The following GRXCR2 variants were observed in gnomAD, a reference collection of about 807,000 sequenced individuals.
The protein encoded by GRXCR2 is glutaredoxin and cysteine rich domain containing 2, also known as glutaredoxin domain-containing cysteine-rich protein 2.
A neutral mutation model predicts 24.8 loss-of-function variants in GRXCR2; 23 were observed. That is an observed-to-expected ratio of 0.93 (90% CI 0.67 to 1.32). The LOEUF is 1.32. Ranked by LOEUF, GRXCR2 falls within the 40% of genes most tolerant of loss-of-function variation. GRXCR2 has a pLI of 0.00. For missense variants in GRXCR2, 315 were observed against 303.4 expected, an observed-to-expected ratio of 1.04 and a Z score of -0.28; for synonymous variants, 130 against 116.1, an observed-to-expected ratio of 1.12 and a Z score of -0.77.
At chr5:145,885,523 A>G (rs558122763) in intron 2 of GRXCR2, among the ~76,000 whole-genome samples, 22 of 152,232 alleles carry the variant, frequency 1.4e-4, no homozygotes, top group Non-Finnish European at 2.4e-4. Context: ...CTTAGAAAGT[A>G]AGATATTTTC....
At chr5:145,875,306 T>G (rs1283214310), upstream of GRXCR2, among the ~76,000 whole-genome samples, 1 of 152,146 alleles carries the variant, frequency 6.6e-6, no homozygotes, top group African/African-American at 2.4e-5. Context: ...TCCCAGCACT[T>G]TGGAAGGGCC....
At chr5:145,878,632 C>T (rs13171373) in intron 2 of GRXCR2, among the ~76,000 whole-genome samples, 11,848 of 152,122 alleles carry the variant, frequency 0.078, 885 homozygotes, top group African/African-American at 0.19. Flanking sequence ...TGCAGGATAT[C>T]ATCCAGGAGA....
intron 2 of GRXCR2, among the ~76,000 whole-genome samples, chr5:145,931,538 G>A (rs989186623): frequency 6.6e-6 from 1 of 152,156 alleles, no homozygotes. Flanking sequence ...TCTCACATCT[G>A]ACTTCATCCT....
chr5:145,870,128 G>A (rs1756505399), intron 1 of GRXCR2, among the ~76,000 whole-genome samples: 1 of 152,094 alleles, frequency 6.6e-6, no homozygotes, highest in South Asian at 2.1e-4. Context: ...ACAACTCAGT[G>A]ACATTAAGTG....
At chr5:145,865,320 C>T (rs1285234473) in intron 2 of GRXCR2, among the ~76,000 whole-genome samples, 1 of 152,106 alleles carries the variant, frequency 6.6e-6, no homozygotes, top group Non-Finnish European at 1.5e-5. Context: ...AAATTGCTTC[C>T]TCCACCCCCA....
chr5:145,880,132 A>G (rs1367041199), intron 2 of GRXCR2, among the ~76,000 whole-genome samples: 1 of 152,210 alleles, frequency 6.6e-6, no homozygotes, highest in Non-Finnish European at 1.5e-5. Flanking sequence ...CAATTGAAAG[A>G]ACTAGAGAAG....
intron 2 of GRXCR2, among the ~76,000 whole-genome samples, chr5:145,881,232 G>A (rs1166531226): frequency 6.6e-6 from 1 of 152,200 alleles, no homozygotes; most frequent in Admixed American, 6.5e-5. Flanking sequence ...AAAAGAGGAG[G>A]TCAAATTGTC....
At chr5:145,906,570 T>C (rs1329794978) in intron 2 of GRXCR2, among the ~76,000 whole-genome samples, 1 of 152,186 alleles carries the variant, frequency 6.6e-6, no homozygotes, top group African/African-American at 2.4e-5. Flanking sequence ...CCAACAGCAC[T>C]GGAAGTAATC....
At chr5:145,882,059 T>C (rs887126460) in intron 2 of GRXCR2, among the ~76,000 whole-genome samples, 4 of 152,120 alleles carry the variant, frequency 2.6e-5, no homozygotes, top group Non-Finnish European at 5.9e-5. Context: ...CTTAAAACCA[T>C]AAAACCCCTA....
chr5:145,907,993 T>C (rs571972015), intron 2 of GRXCR2, among the ~76,000 whole-genome samples: 31 of 152,140 alleles, frequency 2.0e-4, no homozygotes, highest in African/African-American at 7.2e-4. Context: ...AAAGAAAAGG[T>C]CTGGACTGCA....
At chr5:145,910,713 A>C (rs1757152908) in intron 2 of GRXCR2, among the ~76,000 whole-genome samples, 1 of 152,200 alleles carries the variant, frequency 6.6e-6, no homozygotes, top group South Asian at 2.1e-4. Flanking sequence ...TGAATTATAC[A>C]TTGTGGTAAG....
At chr5:145,924,467 T>C (rs1028337829) in intron 2 of GRXCR2, among the ~76,000 whole-genome samples, 4 of 152,220 alleles carry the variant, frequency 2.6e-5, no homozygotes, top group African/African-American at 9.6e-5. Flanking sequence ...TCCCTTTGTG[T>C]TTCTTGGAGA....
chr5:145,930,964 CT>C (rs1343077800), intron 2 of GRXCR2, among the ~76,000 whole-genome samples: 2 of 152,228 alleles, frequency 1.3e-5, no homozygotes, highest in Non-Finnish European at 2.9e-5. Context: ...ATCTGTCTAT[CT>C]AGCAACTGGC....
chr5:145,874,397 T>C (rs1756581577), upstream of GRXCR2, among the ~76,000 whole-genome samples: 1 of 151,784 alleles, frequency 6.6e-6, no homozygotes, highest in Admixed American at 6.6e-5. Flanking sequence ...AGAGATGGAG[T>C]TTCACCATGT....
chr5:145,905,917 T>C (rs1306412629), intron 2 of GRXCR2, among the ~76,000 whole-genome samples: 1 of 152,104 alleles, frequency 6.6e-6, no homozygotes, highest in East Asian at 1.9e-4. Flanking sequence ...GCAAAGAGAA[T>C]GTGGGAGTGC....
chr5:145,895,443 G>A (rs2061280714), intron 2 of GRXCR2, among the ~76,000 whole-genome samples: 1 of 152,232 alleles, frequency 6.6e-6, no homozygotes, highest in Non-Finnish European at 1.5e-5. Flanking sequence ...AAAGTCTCAG[G>A]ATACAAAATC....
At chr5:145,860,804 G>T (rs1427598478) in intron 2 of GRXCR2, among the ~76,000 whole-genome samples, 1 of 152,048 alleles carries the variant, frequency 6.6e-6, no homozygotes, top group East Asian at 1.9e-4. Flanking sequence ...GAATAATAAT[G>T]CTTACCCTTC....
chr5:145,878,619 C>T (rs1464924365), intron 2 of GRXCR2, among the ~76,000 whole-genome samples: 2 of 152,152 alleles, frequency 1.3e-5, no homozygotes, highest in Non-Finnish European at 2.9e-5. Flanking sequence ...TTGGAAAACA[C>T]TCTGCAGGAT....
intron 2 of GRXCR2, among the ~76,000 whole-genome samples, chr5:145,881,337 G>A (rs1756697932): frequency 2.0e-5 from 3 of 152,172 alleles, no homozygotes; most frequent in Non-Finnish European, 4.4e-5. Context: ...CAAAGTCTCA[G>A]GATACAAAAT....
Sources: gnomAD v4.1 joint callset for allele counts (sites outside exome capture counted in the v4.1 genomes callset) on GRCh38, gnomAD v4.1.1 for gene constraint, MANE v1.5 for transcripts, NCBI Gene and HGNC (gene_info 2026-07-23, HGNC 2026-07-21) for gene names.